The following SFRP4 variants were observed in gnomAD, a reference collection of about 807,000 sequenced individuals.
SFRP4 encodes secreted frizzled related protein 4.
A neutral mutation model predicts 36.3 loss-of-function variants in SFRP4; 25 were observed. The observed-to-expected ratio is 0.69, with a 90% CI of 0.50 to 0.96. The LOEUF (loss-of-function observed/expected upper bound fraction) is 0.96, where lower values mean the gene tolerates loss of function less well. Among genes scored for constraint, SFRP4 ranks in the 40% least tolerant of loss-of-function variants. The pLI, the probability that SFRP4 is intolerant of heterozygous loss-of-function variation, is 0.00. For synonymous variants in SFRP4, 182 were observed against 168.8 expected, an observed-to-expected ratio of 1.08 and a Z score of -0.60; for missense variants, 487 against 459.6, an observed-to-expected ratio of 1.06 and a Z score of -0.54.
intron 4 of SFRP4, among the ~76,000 whole-genome samples, chr7:37,910,375 C>A (rs1583653943): frequency 6.6e-6 from 1 of 151,952 alleles, no homozygotes; most frequent in African/African-American, 2.4e-5. Context: ...ATTTCTATAT[C>A]ATGATCTCAA....
chr7:37,916,590 C>T lies in SFRP4; in HGVS notation c.-53G>A, dbSNP rs757786128. On this transcript the variant is annotated 5_prime_UTR_variant, in exon 1 of 6. Coordinates refer to ENST00000436072, the MANE Select transcript of SFRP4 (RefSeq NM_003014.4). This position sits in a 1 kb window ranked among gnomAD's most constrained non-coding sequence, Gnocchi z 4.1. ...GGCAGACAGAAAGCGCCCTTCTCTT[C>T]CTGCCACCCTCATCTTTCGCTGTCC... 37 of 1,564,072 alleles carry T rather than the reference C, an allele frequency of 2.4e-5. No homozygotes were observed. The highest frequency in any genetic ancestry group is 1.7e-6 in the Non-Finnish European group (2 of 1,157,572).
rs911195217 is a variant in SFRP4 at position 37,906,264 on chromosome 7, T to C, written c.*1215A>G. 1.4e-4 allele frequency: 22 copies of C among 152,216 alleles called. No homozygotes were observed. Among genetic ancestry groups the C allele is most frequent in the Non-Finnish European group, 2.4e-4 (16 of 68,038 alleles). 9.4% of individuals were successfully genotyped at this position (152,216 alleles called of 1,614,324 possible). A position where few individuals can be genotyped will look rare whatever the true frequency, so the allele number is the denominator to read the frequency against. On this transcript the variant is annotated 3_prime_UTR_variant, in exon 6 of 6. Coordinates refer to ENST00000436072, the MANE Select transcript of SFRP4 (RefSeq NM_003014.4). The stretch of plus-strand genomic sequence containing the variant: ...AGGATTAGATAGGATTTTATTTCCT[T>C]TGGGCGTTGTGCATTTATTGAATGC...
At chr7:37,914,546 C>G in intron 1 of SFRP4, 93 bp from the exon 2 acceptor site, 2 of 899,106 alleles carry the variant, frequency 2.2e-6, no homozygotes, top group Middle Eastern at 2.4e-4. Context: ...TAAACTAAAA[C>G]AGTATCTCAA....
rs1384911388 is a variant in SFRP4 at position 37,912,292 on chromosome 7, C to T, written c.618G>A (p.Val206=). The T allele has an allele frequency of 1.9e-6, 3 of 1,614,038 alleles. No individual in the cohort carries two copies. Among genetic ancestry groups the T allele is most frequent in the South Asian group, 2.2e-5 (2 of 91,072 alleles). ...TGACCTCATTGCAGCCACTCCTCTG[C>T]ACAGCTTTTATTTTGGCATGAATAA... The part of the protein sequence containing the change: ...SYVIHAKIKA[V]QRSGCNEVTT... The change falls in exon 4 of 6, where the codon GTG becomes GTA. Residue 206 remains valine (V), a synonymous_variant. Coordinates refer to ENST00000436072, the MANE Select transcript of SFRP4 (RefSeq NM_003014.4).
intron 5 of SFRP4, among the ~76,000 whole-genome samples, chr7:37,909,080 A>G (rs1785440471): frequency 6.6e-6 from 1 of 152,150 alleles, no homozygotes; most frequent in Non-Finnish European, 1.5e-5. Context: ...AAATTATTCT[A>G]ACTCCTCTAA....
intron 5 of SFRP4, among the ~76,000 whole-genome samples, chr7:37,908,206 C>T (rs1785428816): frequency 6.6e-6 from 1 of 152,174 alleles, no homozygotes; most frequent in Admixed American, 6.5e-5. Flanking sequence ...CATCCGCTAA[C>T]GTGCTAGCTA....
At position 37,907,551 on chromosome 7, in the gene SFRP4, G is replaced by A. The variant is rs1562848549; in HGVS notation, c.969C>T (p.Pro323=). The A allele has an allele frequency of 6.2e-7, 1 of 1,613,848 alleles. No homozygotes were observed. Among genetic ancestry groups the A allele is most frequent in the Non-Finnish European group, 8.5e-7 (1 of 1,179,844 alleles). The change falls in exon 6 of 6, where the codon CCC becomes CCT. Residue 323 remains proline, a synonymous_variant. Transcript: ENST00000436072. ...TGTTCTTCTTGGGACTGGCTGGTTT[G>A]GGAGCAGGAGGCTTTCCCTTTGGTT... ...PPKPKGKPPA[P]KPASPKKNIK... is the part of the protein sequence containing the mutation.
intron 3 of SFRP4, 110 bp from the exon 4 acceptor site, chr7:37,912,427 ATGGTTATGTCCAAG>A (rs1383688818): frequency 5.9e-6 from 5 of 848,560 alleles, no homozygotes; most frequent in Non-Finnish European, 9.3e-6. Flanking sequence ...TCCTGTAATT[ATGGTTATGTCCAAG>A]TGGCCTGAGT....
intron 3 of SFRP4, among the ~76,000 whole-genome samples, chr7:37,913,634 GC>G (rs1426079867): frequency 6.6e-6 from 1 of 152,194 alleles, no homozygotes; most frequent in Non-Finnish European, 1.5e-5. Flanking sequence ...GGAAGAAAAT[GC>G]TGAATGGTTC....
rs775849017 is a variant in SFRP4, at chr7:37,916,325, G to A, written c.213C>T (p.Ala71=). Residue 71 remains alanine, a synonymous_variant, in exon 1 of 6, where the codon GCC becomes GCT. Transcript: ENST00000436072. The surrounding 1 kb of genome is among the most constrained non-coding windows in gnomAD (Gnocchi z 4.1). Reference sequence around the variant, plus strand: ...TGGCACAGAGGAAGAAGCGCAGCACGGCGCTGCAGTTCACGTCCACCAGCT... The same window carrying A: ...TGGCACAGAGGAAGAAGCGCAGCACAGCGCTGCAGTTCACGTCCACCAGCT... ...YEELVDVNCS[A]VLRFFLCAMY... 7 of 1,614,214 alleles carry A rather than the reference G, an allele frequency of 4.3e-6. No individual in the cohort carries two copies. The highest frequency in any genetic ancestry group is 1.6e-4 in the Middle Eastern group (1 of 6,062).
At chr7:37,911,151 T>C (rs1359760534) in intron 4 of SFRP4, among the ~76,000 whole-genome samples, 1 of 152,220 alleles carries the variant, frequency 6.6e-6, no homozygotes, top group African/African-American at 2.4e-5. Context: ...GAATCACTGA[T>C]TGCTTCTTTA....
rs1785394035 is a variant in SFRP4, at chr7:37,906,246, G to A, written c.*1233C>T. ...CTCTGTGTAGTGGAGAGTAGGATTA[G>A]ATAGGATTTTATTTCCTTTGGGCGT... On this transcript the variant is annotated 3_prime_UTR_variant, in exon 6 of 6. Coordinates refer to ENST00000436072, the MANE Select transcript of SFRP4 (RefSeq NM_003014.4). The A allele has an allele frequency of 6.6e-6, 1 of 152,172 alleles. No homozygotes were observed. Among genetic ancestry groups the A allele is most frequent in the Non-Finnish European group, 1.5e-5 (1 of 68,034 alleles). The allele number at this position is 152,172 out of a possible 1,614,324, so 9.4% of individuals were successfully genotyped here.
At position 37,916,660 on chromosome 7, in the gene SFRP4, C is replaced by T; in HGVS notation, c.-123G>A. ...CTCTGGGGCGCAGGAGAGTTTCTTCCCCCAAACTCCAGTCGGCAGCAAAGC... is the reference window on the plus strand; with the variant it reads ...CTCTGGGGCGCAGGAGAGTTTCTTCTCCCAAACTCCAGTCGGCAGCAAAGC... On this transcript the variant is annotated 5_prime_UTR_variant, in exon 1 of 6. Transcript: ENST00000436072. The surrounding 1 kb of genome is among the most constrained non-coding windows in gnomAD (Gnocchi z 4.1). 2 of 1,389,834 alleles carry T rather than the reference C, an allele frequency of 1.4e-6. No individual in the cohort carries two copies. The highest frequency in any genetic ancestry group is 1.9e-6 in the Non-Finnish European group (2 of 1,047,830). The allele number at this position is 1,389,834 out of a possible 1,614,324, so 86.1% of individuals were successfully genotyped here.
chr7:37,911,882 GA>G (rs1785492794), intron 4 of SFRP4, among the ~76,000 whole-genome samples: 2 of 113,852 alleles, frequency 1.8e-5, no homozygotes, highest in Admixed American at 8.8e-5. Flanking sequence ...GTCACTTAAT[GA>G]ATTTTGAAAC....
At position 37,916,475 on chromosome 7, in the gene SFRP4, G is replaced by T; in HGVS notation, c.63C>A (p.Gly21=). The change falls in exon 1 of 6, where the codon GGC becomes GGA. Residue 21 remains glycine, a synonymous_variant. Coordinates refer to ENST00000436072, the MANE Select transcript of SFRP4 (RefSeq NM_003014.4). The surrounding 1 kb of genome is among the most constrained non-coding windows in gnomAD (Gnocchi z 4.1). ...LWLHLALGVR[G]APCEAVRIPM... ...GGATGCGCACCGCCTCGCAGGGCGC[G>T]CCGCGCACGCCCAGCGCCAGGTGCA... 2 of 1,612,926 alleles carry T rather than the reference G, an allele frequency of 1.2e-6. No homozygotes were observed. The highest frequency in any genetic ancestry group is 1.7e-6 in the Non-Finnish European group (2 of 1,179,512).
At chr7:37,909,231 GGTAA>G (rs1254966225) in intron 5 of SFRP4, among the ~76,000 whole-genome samples, 3 of 151,912 alleles carry the variant, frequency 2.0e-5, no homozygotes, top group African/African-American at 7.3e-5. Flanking sequence ...ATAGTGATAG[GGTAA>G]GTTTTAGTAC....
chr7:37,914,479 G>C (rs576293487), intron 1 of SFRP4, 26 bp from the exon 2 acceptor site: 2 of 1,579,578 alleles, frequency 1.3e-6, no homozygotes, highest in Admixed American at 3.3e-5. Context: ...GGCCACATGG[G>C]CGTGGTTGGT....
chr7:37,907,325 A>C lies in SFRP4; in HGVS notation c.*154T>G, dbSNP rs1370051230. The C allele has an allele frequency of 1.6e-6, 1 of 612,976 alleles. No homozygotes were observed. Among genetic ancestry groups the C allele is most frequent in the Non-Finnish European group, 2.8e-6 (1 of 356,470 alleles). 38.0% of individuals were successfully genotyped at this position (612,976 alleles called of 1,614,324 possible). A position where few individuals can be genotyped will look rare whatever the true frequency, so the allele number is the denominator to read the frequency against. On this transcript the variant is annotated 3_prime_UTR_variant, in exon 6 of 6. Transcript: ENST00000436072. ...GGCTTACAAAGAAAAACTGAAGCATAGCCTTAAGAAAAATGCTGCAAGATG... is the reference window on the plus strand; with the variant it reads ...GGCTTACAAAGAAAAACTGAAGCATCGCCTTAAGAAAAATGCTGCAAGATG...
chr7:37,909,678 A>G lies in SFRP4; in HGVS notation c.794T>C (p.Met265Thr). 5.7e-6 allele frequency: 9 copies of G among 1,566,404 alleles called. No individual in the cohort carries two copies. Among genetic ancestry groups the G allele is most frequent in the African/African-American group, 1.4e-5 (1 of 73,406 alleles). ...LIMCYEWRSR[M>T]MLLENCLVEK... ...AACTAAGCAATTTTCAAGAAGCATC[A>G]TCCTGAAAAAAAATTATCTTAGTAA... Residue 265 changes from methionine to threonine, a missense_variant and splice_region_variant, in exon 5 of 6, where the codon ATG becomes ACG. By Grantham distance (81) the Met-to-Thr change is moderately conservative. Coordinates refer to ENST00000436072, the MANE Select transcript of SFRP4 (RefSeq NM_003014.4).
Sources: gnomAD v4.1 joint callset for allele counts (sites outside exome capture counted in the v4.1 genomes callset) on GRCh38, gnomAD v4.1.1 for gene constraint, Gnocchi (gnomAD v3.1) non-coding constraint, MANE v1.5 for transcripts, NCBI Gene and HGNC (gene_info 2026-07-23, HGNC 2026-07-21) for gene names.